The following BTD variants were observed in gnomAD, a reference collection of about 807,000 sequenced individuals.
The protein encoded by BTD is biotinidase, also known as biocytinase.
BTD carries 13 observed loss-of-function variants against 17.7 expected under a neutral mutation model. The observed-to-expected ratio is 0.74, with a 90% CI of 0.48 to 1.17. The LOEUF (loss-of-function observed/expected upper bound fraction) is 1.17, where lower values mean the gene tolerates loss of function less well. BTD is among the 50% of genes most tolerant of loss of function. The pLI, the probability that BTD is intolerant of heterozygous loss-of-function variation, is 0.00. For missense variants in BTD, 674 were observed against 650.4 expected (o/e 1.04, Z -0.39); for synonymous variants, 240 against 245.2 (o/e 0.98, Z 0.20).
chr3:15,628,307 GT>G (rs1408004627), intron 1 of BTD, among the ~76,000 whole-genome samples: 3 of 152,228 alleles, frequency 2.0e-5, no homozygotes, highest in Non-Finnish European at 4.4e-5. Flanking sequence ...ATCTAGAGAT[GT>G]TGTGTGCACT....
chr3:15,664,432 G>C (rs1012039970), intron 3 of BTD, among the ~76,000 whole-genome samples: 2 of 152,182 alleles, frequency 1.3e-5, no homozygotes, highest in Non-Finnish European at 2.9e-5. Flanking sequence ...TTCTACAGCT[G>C]AACAGTGAAA....
intron 1 of BTD, chr3:15,632,707 G>T (rs1023558527): frequency 6.6e-6 from 1 of 152,080 alleles, no homozygotes; most frequent in South Asian, 2.1e-4. Flanking sequence ...ATAACCTCAC[G>T]GGCCAGCACC....
At chr3:15,660,510 T>C (rs990000075) in intron 3 of BTD, among the ~76,000 whole-genome samples, 3 of 152,208 alleles carry the variant, frequency 2.0e-5, no homozygotes, top group Admixed American at 2.0e-4. Context: ...TGTCTTACAA[T>C]TGAACACTAA....
chr3:15,663,740 A>G (rs2065949370), intron 3 of BTD, among the ~76,000 whole-genome samples: 1 of 150,042 alleles, frequency 6.7e-6, no homozygotes, highest in Non-Finnish European at 1.5e-5. Context: ...TACTGATGTT[A>G]TTAATCTTTA....
chr3:15,663,698 T>C (rs1381488534), intron 3 of BTD, among the ~76,000 whole-genome samples: 5 of 151,976 alleles, frequency 3.3e-5, no homozygotes, highest in Admixed American at 6.6e-5. Context: ...AGTTGTGTCC[T>C]TTTTTTTCCC....
chr3:15,681,020 T>C (rs2067484830), intron 3 of BTD, among the ~76,000 whole-genome samples: 1 of 152,182 alleles, frequency 6.6e-6, no homozygotes, highest in Admixed American at 6.5e-5. Context: ...ACCAAAGTGA[T>C]ATTGCTGTGG....
At chr3:15,604,900 G>A (rs1219610313) in intron 1 of BTD, among the ~76,000 whole-genome samples, 2 of 152,200 alleles carry the variant, frequency 1.3e-5, no homozygotes, top group Non-Finnish European at 2.9e-5. Flanking sequence ...TTTGGTCAAA[G>A]CCATTCAATA....
intron 3 of BTD, among the ~76,000 whole-genome samples, chr3:15,663,958 A>G (rs1010243298): frequency 6.6e-6 from 1 of 152,106 alleles, no homozygotes; most frequent in Non-Finnish European, 1.5e-5. Context: ...CTGGAGTGCA[A>G]TGGCGCGATC....
chr3:15,681,760 G>A (rs1225737786), intron 3 of BTD, among the ~76,000 whole-genome samples: 3 of 152,064 alleles, frequency 2.0e-5, no homozygotes, highest in African/African-American at 7.3e-5. Context: ...TTGCCCATCA[G>A]CAGATATTGT....
rs530940162 is a variant in BTD, at chr3:15,636,553, A to G, written c.249+865A>G. Among the ~76,000 whole-genome samples, 9 of 152,296 alleles carry G rather than the reference A, an allele frequency of 5.9e-5. 1 individual carries two copies. The South Asian group carries it at 1.9e-3, about 32-fold the overall frequency. On this transcript the variant is annotated intron_variant, in intron 2 of 3. Transcript: ENST00000643237. Reference sequence around the variant, plus strand: ...CTCTGGTGGCAGGGTGACCAAGCGCAGCTGCTTGAGGAAGCCCTGCTGTGC... The same window carrying G: ...CTCTGGTGGCAGGGTGACCAAGCGCGGCTGCTTGAGGAAGCCCTGCTGTGC...
chr3:15,656,967 T>TG (rs747429005), downstream of BTD, among the ~76,000 whole-genome samples: 1 of 152,062 alleles, frequency 6.6e-6, no homozygotes, highest in Admixed American at 6.6e-5. Flanking sequence ...GCCGGAGTGG[T>TG]GGGGGATGGA....
At chr3:15,690,235 A>C in intron 3 of BTD, 1 of 1,544,394 alleles carries the variant, frequency 6.5e-7, no homozygotes, top group Non-Finnish European at 8.7e-7. Flanking sequence ...AAATAAATAA[A>C]AATGTAAATT....
At chr3:15,700,781 C>T (rs1009606488) in intron 3 of BTD, among the ~76,000 whole-genome samples, 2 of 151,874 alleles carry the variant, frequency 1.3e-5, no homozygotes, top group South Asian at 2.1e-4. Context: ...AGAAACACAA[C>T]AGTATATAGG....
In BTD at chr3:15,704,497, A is replaced by AT. The variant is rs556148214; in HGVS notation, c.400-5558dup. 2.0e-5 allele frequency among the ~76,000 whole-genome samples: 3 copies of AT among 152,124 alleles called. No individual in the cohort carries two copies. The South Asian group carries it at 6.2e-4, about 31-fold the overall frequency. ...GTAGAAACTGTGATGCTGACAGGGG[A>AT]TTTTTAAAAAACCATTTAAAAAACA... is the stretch of plus-strand genomic sequence containing the variant. On this transcript the variant is annotated intron_variant, in intron 3 of 3. Transcript: ENST00000672141.
intron 3 of BTD, among the ~76,000 whole-genome samples, chr3:15,702,916 C>A (rs1459999380): frequency 6.6e-6 from 1 of 151,378 alleles, no homozygotes; most frequent in East Asian, 1.9e-4. Flanking sequence ...CCAAACAATT[C>A]ATATATACTA....
At chr3:15,663,183 A>G (rs1281844850) in intron 3 of BTD, among the ~76,000 whole-genome samples, 1 of 151,894 alleles carries the variant, frequency 6.6e-6, no homozygotes, top group Non-Finnish European at 1.5e-5. Context: ...ATTATTAGAA[A>G]CGGTTTCTCC....
chr3:15,719,959 C>T (rs1369558426), intron 4 of BTD, among the ~76,000 whole-genome samples: 3 of 152,138 alleles, frequency 2.0e-5, no homozygotes, highest in Admixed American at 6.5e-5. Context: ...CAGCCTTGAC[C>T]TCCAAGGCTC....
downstream of BTD, among the ~76,000 whole-genome samples, chr3:15,658,167 T>TAAA (rs72190740): frequency 9.7e-4 from 126 of 130,164 alleles, 1 homozygote; most frequent in East Asian, 6.5e-4. Flanking sequence ...AGACTCCATC[T>TAAA]AAAAAAAAAA....
chr3:15,604,213 G>C (rs1475287607), intron 1 of BTD, among the ~76,000 whole-genome samples: 1 of 152,246 alleles, frequency 6.6e-6, no homozygotes, highest in Non-Finnish European at 1.5e-5. Context: ...GGACATCCAG[G>C]CATTTCCATA....
Sources: gnomAD v4.1 joint callset for allele counts (sites outside exome capture counted in the v4.1 genomes callset) on GRCh38, gnomAD v4.1.1 for gene constraint, MANE v1.5 for transcripts, NCBI Gene and HGNC (gene_info 2026-07-23, HGNC 2026-07-21) for gene names.